The following LAMB3 variants were observed in gnomAD, a reference collection of about 807,000 sequenced individuals.
LAMB3 encodes the protein laminin subunit beta 3, also known as laminin subunit beta-3.
LAMB3 carries 104 observed loss-of-function variants against 140.3 expected under a neutral mutation model. The ratio of observed to expected loss-of-function variants is 0.74; its 90% CI spans 0.63 to 0.87. The LOEUF is 0.87. Among genes scored for constraint, LAMB3 ranks in the 40% least tolerant of loss-of-function variants. The probability of loss-of-function intolerance (pLI) is 0.00; values close to 1 mark genes in which losing one functional copy is unlikely to be tolerated. For missense variants in LAMB3, 1,531 were observed against 1,575.2 expected, an observed-to-expected ratio of 0.97 and a Z score of 0.47; for synonymous variants, 592 against 602.9, an observed-to-expected ratio of 0.98 and a Z score of 0.26.
intron 3 of LAMB3, among the ~76,000 whole-genome samples, chr1:209,639,681 A>G (rs539655258): frequency 9.2e-5 from 14 of 152,230 alleles, no homozygotes; most frequent in African/African-American, 3.1e-4. Context: ...ACACACACAC[A>G]CAGATAACAC....
At chr1:209,634,687 C>T (rs747277551) in intron 5 of LAMB3, 49 bp from the exon 6 acceptor site, 2 of 1,474,468 alleles carry the variant, frequency 1.4e-6, no homozygotes, top group Non-Finnish European at 1.9e-6. Flanking sequence ...GGGCTGTGCC[C>T]CGTGGAGACA....
At chr1:209,617,681 C>A in intron 20 of LAMB3, 95 bp from the exon 21 acceptor site, 1 of 1,431,672 alleles carries the variant, frequency 7.0e-7, no homozygotes, top group Non-Finnish European at 9.7e-7. Flanking sequence ...GCAGCAAAAA[C>A]CCTCTCCAAC....
At chr1:209,645,313 T>C (rs2076506522) in intron 3 of LAMB3, among the ~76,000 whole-genome samples, 1 of 152,204 alleles carries the variant, frequency 6.6e-6, no homozygotes, top group South Asian at 2.1e-4. Context: ...TTCTCAAGGC[T>C]ATCTGTGTTT....
intron 3 of LAMB3, among the ~76,000 whole-genome samples, chr1:209,645,732 A>AAAC (rs2076511922): frequency 6.6e-6 from 1 of 151,800 alleles, no homozygotes. Context: ...GAAAAAAAAA[A>AAAC]AAAAAAGCAG....
Position 209,624,288 on chromosome 1 carries a change from T to C in LAMB3, c.1977-288A>G, listed in dbSNP as rs114815593. Among the ~76,000 whole-genome samples, 419 of 152,320 alleles carry C rather than the reference T, an allele frequency of 2.8e-3. 3 individuals carry two copies. Among genetic ancestry groups the C allele is most frequent in the African/African-American group, 9.0e-3 (375 of 41,568 alleles). On this transcript the variant is annotated intron_variant, in intron 14 of 22. Transcript: ENST00000356082. ...CCCCTCTTCCAGATCCTGGCTTCCATGAGGAGCAATGCCCTGATGCCCTCC... is the reference window on the plus strand; with the variant it reads ...CCCCTCTTCCAGATCCTGGCTTCCACGAGGAGCAATGCCCTGATGCCCTCC...
chr1:209,627,674 G>T (rs894667151), intron 11 of LAMB3, 95 bp from the exon 12 acceptor site: 17 of 1,167,674 alleles, frequency 1.5e-5, no homozygotes, highest in Non-Finnish European at 2.1e-5. Flanking sequence ...CCTGGGAAAA[G>T]AACTGGGCAG....
At position 209,649,977 on chromosome 1, in the gene LAMB3, G is replaced by T; in HGVS notation, c.170C>A (p.Thr57Asn). The stretch of plus-strand genomic sequence containing the variant: ...AGTAGGGCCTACCTCGCCATACTGG[G>T]TGCAGTAGGTCTCAGGCTTGGTCAG... ...CGLTKPETYC[T>N]QYGEWQMKCC... The change falls in exon 3 of 23, where the codon ACC becomes AAC. Residue 57 changes from threonine (T) to asparagine (N), a missense_variant. Physicochemically the swap from Thr to Asn is moderately conservative, Grantham distance 65 (BLOSUM62 0). Coordinates refer to ENST00000356082, the MANE Select transcript of LAMB3 (RefSeq NM_000228.3). 6.2e-7 allele frequency: 1 copy of T among 1,614,208 alleles called. No individual in the cohort carries two copies. The highest frequency in any genetic ancestry group is 8.5e-7 in the Non-Finnish European group (1 of 1,180,042).
rs571059363 is a variant in LAMB3 at position 209,616,973 on chromosome 1, C to A, written c.3229-349G>T. Among the ~76,000 whole-genome samples the A allele has an allele frequency of 6.2e-4, 95 of 152,336 alleles. 2 individuals are homozygous for A. In the South Asian group the frequency reaches 0.018, roughly 30 times the overall value. On this transcript the variant is annotated intron_variant, in intron 21 of 22. Transcript: ENST00000356082. ...CCAATGTTCCTGGCCATAGCGGGAG[C>A]AGGTAGTGTGCTTGAGACACTGAGA...
rs1244876446 is a variant in LAMB3, at chr1:209,632,746, T to G, written c.659A>C (p.Asn220Thr). ...EVGEITNLRVNFTRLAPVPQR... is the reference protein window; with the variant it reads ...EVGEITNLRVTFTRLAPVPQR... ...GGGCACAGGGGCCAGCCTGGTGAAA[T>G]TGACTCTCAAGTTTGTGATCTCCCC... Residue 220 changes from asparagine (N) to threonine (T), a missense_variant, in exon 8 of 23, where the codon AAT (asparagine) becomes ACT (threonine). By Grantham distance (65) the Asn-to-Thr change is moderately conservative. Coordinates refer to ENST00000356082, the MANE Select transcript of LAMB3 (RefSeq NM_000228.3). The G allele has an allele frequency of 6.2e-7, 1 of 1,613,974 alleles. No homozygotes were observed.
At chr1:209,649,186 T>C (rs952273150) in intron 3 of LAMB3, among the ~76,000 whole-genome samples, 1 of 152,200 alleles carries the variant, frequency 6.6e-6, no homozygotes, top group Non-Finnish European at 1.5e-5. Context: ...AGGGGACAGA[T>C]AACCCCGGTC....
chr1:209,641,038 G>T (rs983552495), intron 3 of LAMB3, among the ~76,000 whole-genome samples: 2 of 146,996 alleles, frequency 1.4e-5, no homozygotes, highest in African/African-American at 5.1e-5. Context: ...AGCTGAGACC[G>T]TGCCACTGCA....
intron 11 of LAMB3, 91 bp from the exon 12 acceptor site, chr1:209,627,670 A>G: frequency 8.3e-7 from 1 of 1,210,586 alleles, no homozygotes; most frequent in South Asian, 1.3e-5. Flanking sequence ...GCTGCCTGGG[A>G]AAAGAACTGG....
chr1:209,635,698 C>T (rs756818831), intron 5 of LAMB3, among the ~76,000 whole-genome samples: 21 of 152,218 alleles, frequency 1.4e-4, no homozygotes, highest in Non-Finnish European at 4.4e-5. Flanking sequence ...CCACTGTGCC[C>T]AGCTAATCAT....
rs574642120 is a variant in LAMB3 at position 209,638,748 on chromosome 1, C to T, written c.184-100G>A. 339 of 750,452 alleles carry T rather than the reference C, an allele frequency of 4.5e-4. 1 individual carries two copies. The highest frequency in any genetic ancestry group is 3.4e-3 in the South Asian group (231 of 68,680). 46.5% of individuals were successfully genotyped at this position (750,452 alleles called of 1,614,324 possible). A position where few individuals can be genotyped will look rare whatever the true frequency, so the allele number is the denominator to read the frequency against. On this transcript the variant is annotated intron_variant, in intron 3 of 22. Transcript: ENST00000356082. ...GCATATCTCCTCTGTGGAAATCCTGCCCTTAGGAATCACTAATTTTATTAA... is the reference window on the plus strand; with the variant it reads ...GCATATCTCCTCTGTGGAAATCCTGTCCTTAGGAATCACTAATTTTATTAA...
At position 209,623,505 on chromosome 1, in the gene LAMB3, C is replaced by T. The variant is rs922988134; in HGVS notation, c.2358G>A (p.Lys786=). The change falls in exon 16 of 23, where the codon AAG becomes AAA. Residue 786 remains lysine (K), a splice_region_variant and synonymous_variant. Transcript: ENST00000356082. This position sits in a 1 kb window ranked among gnomAD's most constrained non-coding sequence, Gnocchi z 4.2. The stretch of plus-strand genomic sequence containing the variant: ...AGTGGGACTCCATGCCCCAAGTCAC[C>T]TTGTTGAAGGTGGGTGTCAGGTCAG... ...SLPDLTPTFN[K]LCGNSRQMAC... is the part of the protein sequence containing the mutation. 3 of 1,614,072 alleles carry T rather than the reference C, an allele frequency of 1.9e-6. No homozygotes were observed. Among genetic ancestry groups the T allele is most frequent in the Non-Finnish European group, 1.7e-6 (2 of 1,179,934 alleles).
chr1:209,634,871 T>G (rs891272296), intron 5 of LAMB3, among the ~76,000 whole-genome samples: 25 of 151,798 alleles, frequency 1.6e-4, no homozygotes, highest in Admixed American at 1.6e-3. Context: ...GCTTCCAGGA[T>G]AGACATTTCT....
In LAMB3 at chr1:209,615,318, G is replaced by A. The variant is rs370023805; in HGVS notation, c.3472C>T (p.Arg1158Cys). Reference sequence around the variant, plus strand: ...AGCACGCGCCCATTGATGTGGTCACGGATCTGCTCCACACGCTTCTCCAGT... The same window carrying A: ...AGCACGCGCCCATTGATGTGGTCACAGATCTGCTCCACACGCTTCTCCAGT... ...TGLEKRVEQI[R>C]DHINGRVLYY... is the part of the protein sequence containing the mutation. The change falls in exon 23 of 23, where the codon CGT becomes TGT. Residue 1158 changes from arginine to cysteine, a missense_variant. Physicochemically the swap from Arg to Cys is radical, Grantham distance 180. Coordinates refer to ENST00000356082, the MANE Select transcript of LAMB3 (RefSeq NM_000228.3). 9.3e-6 allele frequency: 15 copies of A among 1,614,104 alleles called. No individual in the cohort carries two copies. The highest frequency in any genetic ancestry group is 3.3e-4 in the Middle Eastern group (2 of 6,060).
chr1:209,621,888 C>T (rs577066212), intron 18 of LAMB3, among the ~76,000 whole-genome samples: 56 of 152,214 alleles, frequency 3.7e-4, no homozygotes, highest in Non-Finnish European at 5.3e-4. Flanking sequence ...ACAAGACAGA[C>T]AACCATCCTT....
At chr1:209,617,247 A>T (rs1364060156) in intron 21 of LAMB3, among the ~76,000 whole-genome samples, 163 bp downstream of exon 21, 1 of 152,190 alleles carries the variant, frequency 6.6e-6, no homozygotes, top group Non-Finnish European at 1.5e-5. Flanking sequence ...TGGAGGGAGA[A>T]ATCAGATGCC....
Sources: gnomAD v4.1 joint callset for allele counts (sites outside exome capture counted in the v4.1 genomes callset) on GRCh38, gnomAD v4.1.1 for gene constraint, Gnocchi (gnomAD v3.1) non-coding constraint, MANE v1.5 for transcripts, NCBI Gene and HGNC (gene_info 2026-07-23, HGNC 2026-07-21) for gene names.